The following DDX54 variants were observed in gnomAD, a reference collection of about 807,000 sequenced individuals.
DDX54 encodes the protein DEAD-box helicase 54.
Under a neutral mutation model 105.5 loss-of-function variants are expected in DDX54, and 67 were observed. That is an observed-to-expected ratio of 0.64 (90% CI 0.52 to 0.78). The LOEUF is 0.78. Among genes scored for constraint, DDX54 ranks in the 30% least tolerant of loss-of-function variants. The pLI is 0.00. For synonymous variants in DDX54, 514 were observed against 509.9 expected (o/e 1.01, Z -0.11); for missense variants, 1,206 against 1,230.5 (o/e 0.98, Z 0.30).
chr12:113,162,859 C>A, intron 17 of DDX54, 73 bp downstream of exon 17: 2 of 1,440,144 alleles, frequency 1.4e-6, no homozygotes, highest in South Asian at 1.3e-5. Flanking sequence ...CGATCACTCA[C>A]CCCAGGCACG....
chr12:113,182,256 G>A (rs1177525836), intron 1 of DDX54, among the ~76,000 whole-genome samples: 1 of 152,196 alleles, frequency 6.6e-6, no homozygotes, highest in Non-Finnish European at 1.5e-5. Flanking sequence ...TTCAGAGACT[G>A]TGTTCTTTTC....
intron 18 of DDX54, among the ~76,000 whole-genome samples, 193 bp downstream of exon 18, chr12:113,161,700 G>GA (rs1486253152): frequency 6.9e-6 from 1 of 144,328 alleles, no homozygotes; most frequent in African/African-American, 2.6e-5. Flanking sequence ...ACTAGTTCGA[G>GA]ATGCTGCTGC....
chr12:113,174,515 A>C (rs531960705), intron 10 of DDX54, 125 bp downstream of exon 10: 1 of 1,339,232 alleles, frequency 7.5e-7, no homozygotes, highest in South Asian at 1.6e-5. Flanking sequence ...AATAAAAATG[A>C]CCATCTTGAG....
intron 1 of DDX54, among the ~76,000 whole-genome samples, chr12:113,182,098 T>G (rs1215947763): frequency 6.6e-6 from 1 of 152,184 alleles, no homozygotes. Flanking sequence ...TTATACAAAT[T>G]AACCCACTTA....
At chr12:113,169,676 T>C (rs1213802658) in intron 12 of DDX54, 94 bp downstream of exon 12, 3 of 1,388,500 alleles carry the variant, frequency 2.2e-6, no homozygotes, top group Non-Finnish European at 2.9e-6. Flanking sequence ...AATCATCTTC[T>C]GCTGGGGTCA....
Position 113,172,500 on chromosome 12 carries a change from T to G in DDX54, c.1132A>C (p.Lys378Gln). ...IYSALDPTARKINLAKFTLGK... is the reference protein window; with the variant it reads ...IYSALDPTARQINLAKFTLGK... The stretch of plus-strand genomic sequence containing the variant: ...AGCGTGAATTTGGCGAGATTGATCT[T>G]GCGGGCTGTCGGGTCTAGGGCACTG... The change falls in exon 11 of 20, where the codon AAG becomes CAG. Residue 378 changes from lysine (K) to glutamine (Q), a missense_variant. Lys to Gln is a moderately conservative substitution (Grantham distance 53, BLOSUM62 1). This residue lies in a region of DDX54 where 961 missense variants were observed against 1,019.1 expected (regional missense o/e 0.94). Coordinates refer to ENST00000306014, the MANE Select transcript of DDX54 (RefSeq NM_024072.4). The G allele has an allele frequency of 6.2e-7, 1 of 1,614,248 alleles. No individual in the cohort carries two copies. Among genetic ancestry groups the G allele is most frequent in the Non-Finnish European group, 8.5e-7 (1 of 1,180,046 alleles).
Position 113,164,292 on chromosome 12 carries a change from AG to A in DDX54, c.1720-8del, listed in dbSNP as rs1213716479. ...CGTTGATCTCAAAGATAGTCTGTGG[AG>A]GGGACACCCAGTCCTTTGCCCACTG... On this transcript the variant is annotated splice_region_variant and splice_polypyrimidine_tract_variant and intron_variant, in intron 14 of 19. Transcript: ENST00000306014. 5.7e-6 allele frequency: 9 copies of A among 1,580,230 alleles called. No homozygotes were observed. Among genetic ancestry groups the A allele is most frequent in the Admixed American group, 1.8e-5 (1 of 56,126 alleles).
chr12:113,157,314 CTGAT>C lies in DDX54; in HGVS notation c.*1559_*1562del. 1 of 448,946 alleles carries C rather than the reference CTGAT, an allele frequency of 2.2e-6. No homozygotes were observed. Among genetic ancestry groups the C allele is most frequent in the Non-Finnish European group, 4.0e-6 (1 of 250,030 alleles). The allele number at this position is 448,946 out of a possible 1,614,324, so 27.8% of individuals were successfully genotyped here. On this transcript the variant is annotated 3_prime_UTR_variant, in exon 20 of 20. Coordinates refer to ENST00000306014, the MANE Select transcript of DDX54 (RefSeq NM_024072.4). The stretch of plus-strand genomic sequence containing the variant: ...CTGATCCAGTTACAAGAAAATAAAG[CTGAT>C]TGATGTAAATGAAAATACTAATTGG...
chr12:113,163,529 C>T lies in DDX54; in HGVS notation c.1939-255G>A, dbSNP rs564008199. Among the ~76,000 whole-genome samples, 19 of 152,258 alleles carry T rather than the reference C, an allele frequency of 1.2e-4. No homozygotes were observed. Among genetic ancestry groups the T allele is most frequent in the Non-Finnish European group, 2.4e-4 (16 of 68,010 alleles). On this transcript the variant is annotated intron_variant, in intron 15 of 19. Transcript: ENST00000306014. The surrounding 1 kb of genome is among the most constrained non-coding windows in gnomAD (Gnocchi z 5.9). The stretch of plus-strand genomic sequence containing the variant: ...GACAGCTGGGTGAGGAGGAGAGTGC[C>T]GGCCGAGGGAGACCCAACTCCCCAT...
intron 7 of DDX54, among the ~76,000 whole-genome samples, chr12:113,176,583 A>G (rs930123669): frequency 1.3e-4 from 20 of 152,272 alleles, no homozygotes; most frequent in Non-Finnish European, 2.2e-4. Context: ...AAATAAATAA[A>G]TAAATAAATC....
At chr12:113,168,663 G>A (rs768097556) in intron 12 of DDX54, among the ~76,000 whole-genome samples, 2 of 151,970 alleles carry the variant, frequency 1.3e-5, no homozygotes, top group Non-Finnish European at 2.9e-5. Context: ...GGGCACAGTG[G>A]CTCACGCCTG....
rs749422416 is a variant in DDX54, at chr12:113,176,945, G to A, written c.657-10C>T. The stretch of plus-strand genomic sequence containing the variant: ...GGGCGTGGCAATAATTCTGGAAGAG[G>A]GTGCACAGGCCAGGTGACCCCAGGG... On this transcript the variant is annotated splice_polypyrimidine_tract_variant and intron_variant, in intron 6 of 19. Coordinates refer to ENST00000306014, the MANE Select transcript of DDX54 (RefSeq NM_024072.4). 1.2e-6 allele frequency: 2 copies of A among 1,614,136 alleles called. No homozygotes were observed. The highest frequency in any genetic ancestry group is 1.1e-5 in the South Asian group (1 of 91,070).
In DDX54 at chr12:113,163,026, C is replaced by T; in HGVS notation, c.2101G>A (p.Gly701Arg). Residue 701 changes from glycine (G) to arginine (R), a missense_variant, in exon 17 of 20, where the codon GGG becomes AGG. Around this residue, in one of 3 missense-constraint regions of DDX54, gnomAD observed 961 missense variants for 1,019.1 expected, o/e 0.94. Coordinates refer to ENST00000306014, the MANE Select transcript of DDX54 (RefSeq NM_024072.4). This position sits in a 1 kb window ranked among gnomAD's most constrained non-coding sequence, Gnocchi z 5.9. Reference protein sequence around the residue: ...SERGLSISGEGGAFEQQAAGA... With the variant: ...SERGLSISGERGAFEQQAAGA... The stretch of plus-strand genomic sequence containing the variant: ...GCTGCCTGCTGCTCAAAGGCTCCCC[C>T]TTCCCCGCTGATGCTCAGGCTGCAG... 1 of 1,609,556 alleles carries T rather than the reference C, an allele frequency of 6.2e-7. No individual in the cohort carries two copies. The highest frequency in any genetic ancestry group is 8.5e-7 in the Non-Finnish European group (1 of 1,179,506).
At chr12:113,179,905 C>A (rs1382206207) in intron 3 of DDX54, 30 bp downstream of exon 3, 1 of 1,613,658 alleles carries the variant, frequency 6.2e-7, no homozygotes, top group Middle Eastern at 1.7e-4. Context: ...TCCTCCCTCG[C>A]CCTCACCCGT....
rs771164684 is a variant in DDX54 at position 113,164,280 on chromosome 12, G to C, written c.1725C>G (p.Ile575Met). ...SIKNYRSRATIFEINASSRDL... is the reference protein window; with the variant it reads ...SIKNYRSRATMFEINASSRDL... ...CTCGGCTGGAGGCGTTGATCTCAAA[G>C]ATAGTCTGTGGAGGGGACACCCAGT... is the stretch of plus-strand genomic sequence containing the variant. The change falls in exon 15 of 20, where the codon ATC becomes ATG. Residue 575 changes from isoleucine to methionine, a missense_variant. Physicochemically the swap from Ile to Met is conservative, Grantham distance 10. Coordinates refer to ENST00000306014, the MANE Select transcript of DDX54 (RefSeq NM_024072.4). 6 of 1,587,140 alleles carry C rather than the reference G, an allele frequency of 3.8e-6. No homozygotes were observed. Among genetic ancestry groups the C allele is most frequent in the Non-Finnish European group, 5.1e-6 (6 of 1,169,164 alleles).
intron 4 of DDX54, 42 bp downstream of exon 4, chr12:113,179,101 A>G (rs1457670696): frequency 6.2e-7 from 1 of 1,613,254 alleles, no homozygotes; most frequent in Non-Finnish European, 8.5e-7. Flanking sequence ...TCCGGTCCCA[A>G]GTCAGCCCTT....
At chr12:113,166,178 G>T in intron 12 of DDX54, 146 bp from the exon 13 acceptor site, 2 of 821,892 alleles carry the variant, frequency 2.4e-6, no homozygotes, top group Non-Finnish European at 1.9e-6. Context: ...CCAGCACTCA[G>T]GGAGGAGCTA....
chr12:113,163,345 C>G lies in DDX54; in HGVS notation c.1939-71G>C, dbSNP rs1952234191. 1 of 1,544,054 alleles carries G rather than the reference C, an allele frequency of 6.5e-7. No individual in the cohort carries two copies. Among genetic ancestry groups the G allele is most frequent in the African/African-American group, 1.4e-5 (1 of 73,430 alleles). On this transcript the variant is annotated intron_variant, in intron 15 of 19. Transcript: ENST00000306014. This position sits in a 1 kb window ranked among gnomAD's most constrained non-coding sequence, Gnocchi z 5.9. Reference sequence around the variant, plus strand: ...TGGGGACTTCCCCCTGCCTCCCTACCCACCAGCCTGGCCACAGTGAGGGGC... The same window carrying G: ...TGGGGACTTCCCCCTGCCTCCCTACGCACCAGCCTGGCCACAGTGAGGGGC...
At chr12:113,166,282 A>T (rs1213609745) in intron 12 of DDX54, among the ~76,000 whole-genome samples, 1 of 152,232 alleles carries the variant, frequency 6.6e-6, no homozygotes, top group Non-Finnish European at 1.5e-5. Flanking sequence ...CTACGGGAGC[A>T]CAGCTCACTA....
Sources: allele counts gnomAD v4.1 joint callset (sites outside exome capture counted in the v4.1 genomes callset), GRCh38; gene constraint gnomAD v4.1.1; regional missense constraint gnomAD v4.1.1; non-coding constraint Gnocchi (gnomAD v3.1); transcripts MANE v1.5; gene names NCBI Gene and HGNC (gene_info 2026-07-23, HGNC 2026-07-21).